VAV3: variants seen among roughly 807,000 people sequenced by gnomAD.
The protein encoded by VAV3 is vav guanine nucleotide exchange factor 3.
VAV3 carries 94 observed loss-of-function variants against 131.2 expected under a neutral mutation model. The observed-to-expected ratio is 0.72, with a 90% CI of 0.61 to 0.85. The LOEUF is 0.85. VAV3 is among the 40% of genes least tolerant of loss of function. VAV3 has a pLI of 0.00. For missense variants in VAV3, 939 were observed against 1,002.7 expected (o/e 0.94, Z 0.86); for synonymous variants, 349 against 342.0 (o/e 1.02, Z -0.22).
At chr1:107,695,203 G>A (rs1659671039) in intron 17 of VAV3, among the ~76,000 whole-genome samples, 1 of 152,078 alleles carries the variant, frequency 6.6e-6, no homozygotes, top group South Asian at 2.1e-4. Context: ...ATTACTTAGA[G>A]CTTTGTAGGC....
At chr1:107,573,876 A>C (rs1011517146) in intron 26 of VAV3, among the ~76,000 whole-genome samples, 171 bp downstream of exon 26, 2 of 152,196 alleles carry the variant, frequency 1.3e-5, no homozygotes, top group African/African-American at 4.8e-5. Context: ...AAATATTTTC[A>C]GCGAGTCCCT....
At chr1:107,709,536 C>T (rs1371284581) in intron 15 of VAV3, among the ~76,000 whole-genome samples, 2 of 152,328 alleles carry the variant, frequency 1.3e-5, no homozygotes, top group Non-Finnish European at 1.5e-5. Context: ...TATATCCTCT[C>T]TTTATTGTGA....
chr1:107,646,860 C>T (rs1285946809), intron 19 of VAV3, among the ~76,000 whole-genome samples: 1 of 151,846 alleles, frequency 6.6e-6, no homozygotes, highest in Non-Finnish European at 1.5e-5. Context: ...GCTGGAGTTT[C>T]CCAAAACAAT....
intron 19 of VAV3, among the ~76,000 whole-genome samples, chr1:107,675,035 C>A (rs1295064422): frequency 6.6e-6 from 1 of 152,148 alleles, no homozygotes; most frequent in Non-Finnish European, 1.5e-5. Flanking sequence ...GAACCCATCA[C>A]CAGTTGAGCC....
chr1:107,598,707 C>A (rs554160664), intron 24 of VAV3, among the ~76,000 whole-genome samples: 1 of 151,916 alleles, frequency 6.6e-6, no homozygotes, highest in East Asian at 1.9e-4. Flanking sequence ...ACATGTTTTG[C>A]GCAGACAAGG....
At chr1:107,683,632 T>C in intron 18 of VAV3, 99 bp from the exon 19 acceptor site, 1 of 1,202,222 alleles carries the variant, frequency 8.3e-7, no homozygotes, top group East Asian at 2.4e-5. Flanking sequence ...AAATGAATGT[T>C]GCACATTTTC....
intron 3 of VAV3, among the ~76,000 whole-genome samples, chr1:107,778,316 T>C (rs552574029): frequency 1.3e-5 from 2 of 152,232 alleles, no homozygotes; most frequent in Non-Finnish European, 2.9e-5. Context: ...TGCAAGTTCA[T>C]TGTAGAAAAT....
intron 3 of VAV3, among the ~76,000 whole-genome samples, chr1:107,778,335 GA>G (rs1034875407): frequency 2.6e-5 from 4 of 151,474 alleles, no homozygotes; most frequent in African/African-American, 4.9e-5. Context: ...ATATAGATGA[GA>G]AAAAAAGGAG....
intron 2 of VAV3, among the ~76,000 whole-genome samples, chr1:107,816,214 A>G (rs1667553813): frequency 6.6e-6 from 1 of 152,212 alleles, no homozygotes; most frequent in Non-Finnish European, 1.5e-5. Context: ...ATGAGCTTTA[A>G]AAGTTGATGA....
intron 25 of VAV3, 150 bp from the exon 26 acceptor site, chr1:107,574,348 A>G: frequency 3.2e-6 from 3 of 950,310 alleles, no homozygotes; most frequent in Non-Finnish European, 4.4e-6. Flanking sequence ...TGAAAGCAGC[A>G]GAATTGCTGT....
At chr1:107,938,453 A>G (rs1485021173) in intron 1 of VAV3, among the ~76,000 whole-genome samples, 2 of 152,200 alleles carry the variant, frequency 1.3e-5, no homozygotes, top group African/African-American at 4.8e-5. Context: ...TAAATTCCCA[A>G]AGACTGAAAT....
At chr1:107,727,607 A>G (rs977774454) in intron 15 of VAV3, among the ~76,000 whole-genome samples, 3 of 152,226 alleles carry the variant, frequency 2.0e-5, no homozygotes, top group Non-Finnish European at 2.9e-5. Context: ...ATATTTGACT[A>G]TTTCCCAATC....
At chr1:107,744,027 A>G (rs777569511) in intron 15 of VAV3, among the ~76,000 whole-genome samples, 1 of 152,180 alleles carries the variant, frequency 6.6e-6, no homozygotes, top group Admixed American at 6.5e-5. Context: ...TAACGGCTAC[A>G]TTCTCACTCC....
intron 1 of VAV3, among the ~76,000 whole-genome samples, chr1:107,889,189 C>T (rs1355068466): frequency 2.0e-5 from 3 of 147,434 alleles, no homozygotes; most frequent in African/African-American, 7.6e-5. Flanking sequence ...ATGTAGCAGG[C>T]TATTTTCAGG....
chr1:107,826,900 T>C (rs978662088), intron 2 of VAV3, among the ~76,000 whole-genome samples: 3 of 152,164 alleles, frequency 2.0e-5, no homozygotes, highest in Non-Finnish European at 4.4e-5. Flanking sequence ...GCTTAATATC[T>C]AAGCACTAAA....
intron 2 of VAV3, among the ~76,000 whole-genome samples, chr1:107,854,496 GTTGA>G (rs1267369409): frequency 6.6e-6 from 1 of 152,146 alleles, no homozygotes; most frequent in African/African-American, 2.4e-5. Flanking sequence ...TTATGATTAT[GTTGA>G]TGGAATCTAA....
chr1:107,712,752 A>C (rs1227973618), intron 15 of VAV3, among the ~76,000 whole-genome samples: 1 of 152,216 alleles, frequency 6.6e-6, no homozygotes, highest in Non-Finnish European at 1.5e-5. Flanking sequence ...AAAGTCCCTG[A>C]CTAATGTTGG....
At chr1:107,672,760 A>C (rs1390023133) in intron 19 of VAV3, among the ~76,000 whole-genome samples, 1 of 152,194 alleles carries the variant, frequency 6.6e-6, no homozygotes. Context: ...AGCCAAAAAC[A>C]TTAAAATAAT....
intron 25 of VAV3, among the ~76,000 whole-genome samples, chr1:107,582,872 T>TACGTGTGCATGTG (rs1650173546): frequency 6.6e-6 from 1 of 152,118 alleles, no homozygotes; most frequent in Admixed American, 6.5e-5. Context: ...GCAATAAACA[T>TACGTGTGCATGTG]ACGTGTGCAT....
Sources: gnomAD v4.1 joint callset for allele counts (sites outside exome capture counted in the v4.1 genomes callset) on GRCh38, gnomAD v4.1.1 for gene constraint, MANE v1.5 for transcripts, NCBI Gene and HGNC (gene_info 2026-07-23, HGNC 2026-07-21) for gene names.